The following DST variants were observed in gnomAD, a reference collection of about 807,000 sequenced individuals.
The protein encoded by DST is bullous pemphigoid antigen.
In DST, 253 loss-of-function variants were observed where a neutral mutation model predicts 875.2. The observed-to-expected ratio is 0.29, with a 90% confidence interval of 0.26 to 0.32. The LOEUF is 0.32. DST is among the 10% of genes least tolerant of loss of function. The pLI is 1.00. For synonymous variants in DST, 3,124 were observed against 3,197.1 expected, an observed-to-expected ratio of 0.98 and a Z score of 0.77; for missense variants, 8,287 against 9,111.6, an observed-to-expected ratio of 0.91 and a Z score of 3.68.
At position 56,609,312 on chromosome 6, in the gene DST, C is replaced by G; in HGVS notation, c.5316G>C (p.Gln1772His). 6.2e-7 allele frequency: 1 copy of G among 1,612,198 alleles called. No homozygotes were observed. The highest frequency in any genetic ancestry group is 8.5e-7 in the Non-Finnish European group (1 of 1,179,156). ...LDKVIAGTID[Q>H]TTGEVLSVFQ... is the part of the protein sequence containing the mutation. ...AGACTGAAAGGACTTCTCCAGTTGTCTGATCAATGGTGCCTGCAATCACTT... is the reference window on the plus strand; with the variant it reads ...AGACTGAAAGGACTTCTCCAGTTGTGTGATCAATGGTGCCTGCAATCACTT... The change falls in exon 40 of 104, where the codon CAG becomes CAC. Residue 1772 changes from glutamine to histidine, a missense_variant. By Grantham distance (24) the Gln-to-His change is conservative (BLOSUM62 0). Coordinates refer to ENST00000680361, the MANE Select transcript of DST (RefSeq NM_001374736.1).
chr6:56,870,567 A>G (rs372694123), intron 3 of DST, among the ~76,000 whole-genome samples: 1 of 152,294 alleles, frequency 6.6e-6, no homozygotes, highest in African/African-American at 2.4e-5. Context: ...GTTCAAGATC[A>G]GCCTGGTCAA....
At chr6:56,517,831 C>A (rs940340590) in intron 69 of DST, among the ~76,000 whole-genome samples, 4 of 152,118 alleles carry the variant, frequency 2.6e-5, no homozygotes, top group African/African-American at 9.7e-5. Flanking sequence ...TTAAAACATG[C>A]TGGATTTATA....
intron 9 of DST, among the ~76,000 whole-genome samples, chr6:56,684,255 T>C (rs71564848): frequency 0.14 from 21,602 of 152,262 alleles, 2,096 homozygotes; most frequent in Non-Finnish European, 0.22. Context: ...TTCACTTTTT[T>C]AAAAAGTATG....
intron 72 of DST, among the ~76,000 whole-genome samples, chr6:56,515,118 A>C (rs1456107782): frequency 2.0e-5 from 3 of 152,214 alleles, no homozygotes; most frequent in Non-Finnish European, 2.9e-5. Context: ...ATAAATTTAA[A>C]ACAATTCAAT....
chr6:56,526,365 T>C lies in DST; in HGVS notation c.18125A>G (p.Gln6042Arg). The change falls in exon 69 of 104, where the codon CAG becomes CGG. Residue 6042 changes from glutamine to arginine, a missense_variant. Coordinates refer to ENST00000680361, the MANE Select transcript of DST (RefSeq NM_001374736.1). ...CAACAAACCATTTTTCCCTACCTGC[T>C]GTGATCGCAGAATGGCTGCATCGAT... ...EEIDAAILRSQQFDQAADAEL... is the reference protein window; with the variant it reads ...EEIDAAILRSRQFDQAADAEL... 1 of 1,613,670 alleles carries C rather than the reference T, an allele frequency of 6.2e-7. No individual in the cohort carries two copies. The highest frequency in any genetic ancestry group is 8.5e-7 in the Non-Finnish European group (1 of 1,179,748).
chr6:56,600,984 T>G (rs1468180326), intron 44 of DST, among the ~76,000 whole-genome samples: 1 of 152,074 alleles, frequency 6.6e-6, no homozygotes, highest in Non-Finnish European at 1.5e-5. Flanking sequence ...TACCAATGAT[T>G]AAACTGAGGT....
chr6:56,711,242 T>C (rs1384505837), intron 5 of DST, among the ~76,000 whole-genome samples: 1 of 152,208 alleles, frequency 6.6e-6, no homozygotes, highest in Admixed American at 6.5e-5. Context: ...ATAAACACTT[T>C]AAGATTTGGG....
intron 2 of DST, among the ~76,000 whole-genome samples, chr6:56,912,558 C>A (rs1476608080): frequency 6.6e-6 from 1 of 152,170 alleles, no homozygotes; most frequent in African/African-American, 2.4e-5. Context: ...CTGACTATAA[C>A]TATCAGCATA....
At position 56,609,256 on chromosome 6, in the gene DST, T is replaced by C. The variant is rs2098524036; in HGVS notation, c.5372A>G (p.Tyr1791Cys). Reference protein sequence around the residue: ...FQAVLRGLIDYDTGIRLLETQ... With the variant: ...FQAVLRGLIDCDTGIRLLETQ... ...CTCAAGCAACCTAATTCCTGTGTCA[T>C]AGTCAATGAGGCCTCTTAAAACTGC... Residue 1791 changes from tyrosine to cysteine, a missense_variant, in exon 40 of 104, where the codon TAT becomes TGT. Coordinates refer to ENST00000680361, the MANE Select transcript of DST (RefSeq NM_001374736.1). 3 of 1,613,612 alleles carry C rather than the reference T, an allele frequency of 1.9e-6. No individual in the cohort carries two copies. Among genetic ancestry groups the C allele is most frequent in the East Asian group, 2.2e-5 (1 of 44,894 alleles).
At chr6:56,928,349 G>A (rs888806516) in intron 2 of DST, among the ~76,000 whole-genome samples, 35 of 151,954 alleles carry the variant, frequency 2.3e-4, no homozygotes, top group African/African-American at 8.0e-4. Flanking sequence ...CCCTATTGAC[G>A]CAGCCCACTG....
At chr6:56,929,325 A>AG (rs1808908943) in intron 2 of DST, among the ~76,000 whole-genome samples, 2 of 152,156 alleles carry the variant, frequency 1.3e-5, no homozygotes, top group Non-Finnish European at 2.9e-5. Context: ...ATACATTAAT[A>AG]GGCGGATGAT....
rs540167075 is a variant in DST, at chr6:56,462,981, T to C, written c.23070+65A>G. The C allele has an allele frequency of 1.0e-5, 9 of 880,802 alleles. No homozygotes were observed. In the East Asian group the frequency reaches 2.0e-4, roughly 19 times the overall value. The allele number at this position is 880,802 out of a possible 1,614,324, so 54.6% of individuals were successfully genotyped here. Reference sequence around the variant, plus strand: ...ATATATTTAGGGAGTGGTGCAACGATGTTAGTGAGTGATAGCTTCAGTTAA... The same window carrying C: ...ATATATTTAGGGAGTGGTGCAACGACGTTAGTGAGTGATAGCTTCAGTTAA... On this transcript the variant is annotated intron_variant, in intron 102 of 103. Coordinates refer to ENST00000680361, the MANE Select transcript of DST (RefSeq NM_001374736.1).
At chr6:56,586,656 C>T (rs538716665) in intron 49 of DST, among the ~76,000 whole-genome samples, 1 of 152,082 alleles carries the variant, frequency 6.6e-6, no homozygotes, top group African/African-American at 2.4e-5. Context: ...CTGGGAGGCA[C>T]CCCCCAGTAG....
At chr6:56,601,379 G>C (rs1363577740) in intron 44 of DST, 64 bp downstream of exon 44, 2 of 1,048,786 alleles carry the variant, frequency 1.9e-6, no homozygotes, top group Admixed American at 2.2e-5. Context: ...TATACTCCTT[G>C]GGTATCTACA....
intron 69 of DST, among the ~76,000 whole-genome samples, chr6:56,524,100 A>G (rs1459096182): frequency 6.6e-6 from 1 of 152,180 alleles, no homozygotes; most frequent in Non-Finnish European, 1.5e-5. Context: ...AAACATTTTT[A>G]TCAAACTGTA....
chr6:56,582,207 G>C (rs1453075334), intron 49 of DST, among the ~76,000 whole-genome samples: 2 of 152,122 alleles, frequency 1.3e-5, no homozygotes, highest in African/African-American at 2.4e-5. Flanking sequence ...CCCTGATATA[G>C]TTTGGATATT....
Position 56,828,277 on chromosome 6 carries a change from G to A in DST, c.625+23120C>T, listed in dbSNP as rs931254886. On this transcript the variant is annotated intron_variant, in intron 4 of 103. Transcript: ENST00000680361. ...GCCAAATTTTCATCCAACTCTTCAA[G>A]GTGGGAAATATTTTAGTTCCATGTT... is the stretch of plus-strand genomic sequence containing the variant. 7.2e-5 allele frequency among the ~76,000 whole-genome samples: 11 copies of A among 152,260 alleles called. No homozygotes were observed. In the South Asian group the frequency reaches 2.3e-3, roughly 32 times the overall value.
At chr6:56,912,181 C>A (rs1325545217) in intron 2 of DST, among the ~76,000 whole-genome samples, 7 of 152,154 alleles carry the variant, frequency 4.6e-5, no homozygotes, top group African/African-American at 1.4e-4. Context: ...TCTGCTCATT[C>A]CATCATTAGA....
chr6:56,552,885 C>G lies in DST; in HGVS notation c.15907G>C (p.Gly5303Arg), dbSNP rs1466637907. The stretch of plus-strand genomic sequence containing the variant: ...TATTTGTTACTGTAAGCCTGGGATC[C>G]CAGCGAATCATGGATATCTAGCTGC... The part of the protein sequence containing the change: ...KEQLDIHDSL[G>R]SQAYSNKYLT... The change falls in exon 61 of 104, where the codon GGA becomes CGA. Residue 5303 changes from glycine to arginine, a missense_variant. This residue lies in a region of DST where 1,513 missense variants were observed against 1,677.8 expected (regional missense o/e 0.90). Transcript: ENST00000680361. 1 of 1,613,912 alleles carries G rather than the reference C, an allele frequency of 6.2e-7. No individual in the cohort carries two copies. The highest frequency in any genetic ancestry group is 1.1e-5 in the South Asian group (1 of 91,080).
Sources: allele counts gnomAD v4.1 joint callset (sites outside exome capture counted in the v4.1 genomes callset), GRCh38; gene constraint gnomAD v4.1.1; regional missense constraint gnomAD v4.1.1; transcripts MANE v1.5; gene names NCBI Gene and HGNC (gene_info 2026-07-23, HGNC 2026-07-21).